Variants in SLC9A6 observed in about 807,000 individuals in gnomAD.
SLC9A6 encodes the protein sodium/hydrogen exchanger 6.
A neutral mutation model predicts 45.3 loss-of-function variants in SLC9A6; 6 were observed. The ratio of observed to expected loss-of-function variants is 0.13; its 90% CI spans 0.07 to 0.26. The LOEUF (loss-of-function observed/expected upper bound fraction) is 0.26. Among genes scored for constraint, SLC9A6 ranks in the 10% least tolerant of loss-of-function variants. SLC9A6 has a pLI of 1.00. For missense variants in SLC9A6, 278 were observed against 503.7 expected (o/e 0.55, Z 4.29); for synonymous variants, 191 against 187.7 (o/e 1.02, Z -0.14).
At chrX:135,983,389 A>G (rs1251195428), upstream of SLC9A6, 2 of 110,723 alleles carry the variant, frequency 1.8e-5, no homozygotes, top group Non-Finnish European at 3.8e-5. Flanking sequence ...TTTACAAGGA[A>G]GAACGTTCCA....
intron 7 of SLC9A6, among the ~76,000 whole-genome samples, chrX:136,007,951 T>G (rs913832306): frequency 7.2e-5 from 8 of 111,120 alleles, no homozygotes; most frequent in African/African-American, 2.0e-4. Context: ...AATTGGGAGA[T>G]ATTATCATAT....
intron 7 of SLC9A6, among the ~76,000 whole-genome samples, chrX:136,008,575 A>T (rs1556618260): frequency 1.8e-5 from 2 of 112,292 alleles, no homozygotes; most frequent in African/African-American, 6.5e-5. Context: ...TTGTCAGTTA[A>T]AAAAGCATAA....
At chrX:136,033,544 T>C (rs782463578) in intron 16 of SLC9A6, 51 bp downstream of exon 16, 1 of 721,296 alleles carries the variant, frequency 1.4e-6, no homozygotes, top group Non-Finnish European at 2.1e-6. Context: ...CATAGATAAT[T>C]ACAGTTTAAT....
chrX:136,046,532 AC>A lies in SLC9A6; in HGVS notation c.*1809del, dbSNP rs368970882. The A allele has an allele frequency of 4.4e-3, 498 of 113,023 alleles. 3 individuals carry two copies. The highest frequency in any genetic ancestry group is 0.014 in the African/African-American group (432 of 31,093). The allele number at this position is 113,023 out of a possible 1,213,427, so 9.3% of individuals were successfully genotyped here. A position where few individuals can be genotyped will look rare whatever the true frequency, so the allele number is the denominator to read the frequency against. ...AGTTATTCAAGTTGTAAAAGGTTATACAATAATTTAACAACTACCTTTTTTA... is the reference window on the plus strand; with the variant it reads ...AGTTATTCAAGTTGTAAAAGGTTATAAATAATTTAACAACTACCTTTTTTA... On this transcript the variant is annotated 3_prime_UTR_variant, in exon 18 of 18. Transcript: ENST00000630721.
At chrX:135,988,369 G>A (rs1556615199) in intron 2 of SLC9A6, among the ~76,000 whole-genome samples, 2 of 111,036 alleles carry the variant, frequency 1.8e-5, no homozygotes, top group Non-Finnish European at 3.8e-5. Context: ...AACTTAACTC[G>A]CAAGTCCAGT....
intron 2 of SLC9A6, among the ~76,000 whole-genome samples, chrX:135,988,470 T>TC (rs2089375157): frequency 9.4e-6 from 1 of 106,227 alleles, no homozygotes; most frequent in African/African-American, 3.5e-5. Context: ...CTTTCTTTCT[T>TC]TCTTTTCTTT....
At chrX:136,005,552 A>G (rs1193168619) in intron 7 of SLC9A6, among the ~76,000 whole-genome samples, 5 of 111,617 alleles carry the variant, frequency 4.5e-5, no homozygotes, top group Non-Finnish European at 9.4e-5. Context: ...GTGGTGGCAC[A>G]CGCCTGTAAT....
At position 136,013,423 on chromosome X, in the gene SLC9A6, C is replaced by T; in HGVS notation, c.1066C>T (p.His356Tyr). Residue 356 changes from histidine to tyrosine, a missense_variant, in exon 10 of 18, where the codon CAT (histidine) becomes TAT (tyrosine). By Grantham distance (83) the His-to-Tyr change is moderately conservative (BLOSUM62 2). Coordinates refer to ENST00000630721, the MANE Select transcript of SLC9A6 (RefSeq NM_001379110.1). ...TYNNLSTESQ[H>Y]RTKQLFELLN... ...TAATAATTTGTCCACGGAGTCTCAG[C>T]ATAGAACTAAACAGGTAAGAGGAAC... 8.4e-7 allele frequency: 1 copy of T among 1,189,620 alleles called. No homozygotes were observed. The highest frequency in any genetic ancestry group is 1.1e-6 in the Non-Finnish European group (1 of 876,170).
At position 136,010,290 on chromosome X, in the gene SLC9A6, AT is replaced by A. The variant is rs1167910978; in HGVS notation, c.744-147del. The A allele has an allele frequency of 3.8e-5, 16 of 421,018 alleles. No individual in the cohort carries two copies. The Admixed American group carries it at 5.6e-4, about 15-fold the overall frequency. The allele number at this position is 421,018 out of a possible 1,213,427, so 34.7% of individuals were successfully genotyped here. A position where few individuals can be genotyped will look rare whatever the true frequency, so the allele number is the denominator to read the frequency against. Reference sequence around the variant, plus strand: ...TCTTGCTAGCCAGATACATTGCAGGATTTTTGGGTAATTTTGTCCTTATTTT... The same window carrying A: ...TCTTGCTAGCCAGATACATTGCAGGATTTTGGGTAATTTTGTCCTTATTTT... On this transcript the variant is annotated intron_variant, in intron 7 of 17. Transcript: ENST00000630721.
At chrX:136,044,302 T>C in intron 17 of SLC9A6, 150 bp from the exon 18 acceptor site, 1 of 483,703 alleles carries the variant, frequency 2.1e-6, no homozygotes, top group Non-Finnish European at 3.5e-6. Context: ...TCACGCTGTA[T>C]TTTAAGCCAA....
chrX:136,012,112 A>G (rs893185129), intron 8 of SLC9A6, among the ~76,000 whole-genome samples: 1 of 112,047 alleles, frequency 8.9e-6, no homozygotes, highest in Admixed American at 9.4e-5. Context: ...CAAAACAAAA[A>G]AGTTTCCAGC....
intron 15 of SLC9A6, among the ~76,000 whole-genome samples, chrX:136,032,482 G>C (rs1466925247): frequency 1.8e-5 from 2 of 112,205 alleles, no homozygotes; most frequent in Non-Finnish European, 3.8e-5. Flanking sequence ...GAAGAAATTC[G>C]GGCCCAGAGA....
intron 16 of SLC9A6, among the ~76,000 whole-genome samples, chrX:136,035,685 A>T (rs191768545): frequency 8.9e-6 from 1 of 111,765 alleles, no homozygotes; most frequent in African/African-American, 3.3e-5. Flanking sequence ...TCTCTTGGGT[A>T]TATACCAAGG....
At chrX:136,002,022 C>G in intron 6 of SLC9A6, 86 bp from the exon 7 acceptor site, 1 of 627,836 alleles carries the variant, frequency 1.6e-6, no homozygotes, top group Non-Finnish European at 2.7e-6. Context: ...AAATGAATTT[C>G]TAAATAACTC....
At chrX:136,024,035 C>T (rs782375521) in intron 12 of SLC9A6, among the ~76,000 whole-genome samples, 1 of 110,494 alleles carries the variant, frequency 9.1e-6, no homozygotes, top group Non-Finnish European at 1.9e-5. Context: ...TACAGGCATG[C>T]GCCATCATGG....
intron 10 of SLC9A6, among the ~76,000 whole-genome samples, chrX:136,014,069 A>T (rs184329553): frequency 2.3e-3 from 261 of 111,967 alleles, no homozygotes; most frequent in African/African-American, 8.3e-3. Context: ...TAGGAATACA[A>T]TTTTTCCAGT....
intron 7 of SLC9A6, among the ~76,000 whole-genome samples, chrX:136,006,415 C>G (rs2148163383): frequency 1.9e-5 from 2 of 107,957 alleles, no homozygotes; most frequent in African/African-American, 6.7e-5. Flanking sequence ...AACCCATCAC[C>G]TAGATATTAA....
chrX:135,988,863 C>G (rs1175819479), intron 2 of SLC9A6, among the ~76,000 whole-genome samples: 2 of 110,770 alleles, frequency 1.8e-5, no homozygotes, highest in African/African-American at 6.6e-5. Flanking sequence ...TCAAGCTATC[C>G]TTTCACCTTG....
At chrX:136,003,417 C>T (rs1556617609) in intron 7 of SLC9A6, among the ~76,000 whole-genome samples, 2 of 112,556 alleles carry the variant, frequency 1.8e-5, no homozygotes, top group Non-Finnish European at 3.7e-5. Context: ...TGTCTATCTT[C>T]TGGAGAACTT....
Sources: gnomAD v4.1 joint callset for allele counts (sites outside exome capture counted in the v4.1 genomes callset) on GRCh38, gnomAD v4.1.1 for gene constraint, MANE v1.5 for transcripts, NCBI Gene and HGNC (gene_info 2026-07-23, HGNC 2026-07-21) for gene names.